Variants in TGFBR3 observed in about 807,000 individuals in gnomAD.
TGFBR3 encodes transforming growth factor beta receptor type 3.
In TGFBR3, 46 loss-of-function variants were observed where a neutral mutation model predicts 87.9. The observed-to-expected ratio is 0.52, with a 90% CI of 0.41 to 0.67. The LOEUF is 0.67. Ranked by LOEUF, TGFBR3 falls within the 30% of genes least tolerant of loss-of-function variation. TGFBR3 has a pLI of 0.00. For synonymous variants in TGFBR3, 381 were observed against 391.6 expected, an observed-to-expected ratio of 0.97 and a Z score of 0.32; for missense variants, 866 against 1,041.9, an observed-to-expected ratio of 0.83 and a Z score of 2.32.
At chr1:91,697,422 T>C (rs1268313913) in intron 15 of TGFBR3, among the ~76,000 whole-genome samples, 1 of 152,146 alleles carries the variant, frequency 6.6e-6, no homozygotes, top group Admixed American at 6.5e-5. Context: ...CAAATTCTCC[T>C]CACAAGACAA....
rs6659525 is a variant in TGFBR3 at position 91,743,398 on chromosome 1, C to T, written c.385-8439G>A. Among the ~76,000 whole-genome samples, 1,286 of 152,296 alleles carry T rather than the reference C, an allele frequency of 8.4e-3. 17 individuals carry two copies. The highest frequency in any genetic ancestry group is 0.029 in the African/African-American group (1,223 of 41,554). On this transcript the variant is annotated intron_variant, in intron 4 of 16. Coordinates refer to ENST00000212355, the MANE Select transcript of TGFBR3 (RefSeq NM_003243.5). The stretch of plus-strand genomic sequence containing the variant: ...TAGATCAAAAGTGGATATTAAGTCT[C>T]ATCTTAAGTTTCACCTCAACCTCCT...
intron 3 of TGFBR3, among the ~76,000 whole-genome samples, chr1:91,792,954 G>C (rs900395838): frequency 2.6e-5 from 4 of 152,186 alleles, no homozygotes; most frequent in Non-Finnish European, 4.4e-5. Flanking sequence ...CAAATGAGAG[G>C]TGTGTTCTCA....
chr1:91,816,965 CTG>C (rs1676255607), intron 2 of TGFBR3, among the ~76,000 whole-genome samples: 1 of 152,180 alleles, frequency 6.6e-6, no homozygotes, highest in Non-Finnish European at 1.5e-5. Context: ...CATCTAATCT[CTG>C]AGTACTCATT....
intron 1 of TGFBR3, among the ~76,000 whole-genome samples, chr1:91,874,876 C>T (rs1298701923): frequency 1.3e-5 from 2 of 152,162 alleles, no homozygotes; most frequent in African/African-American, 2.4e-5. Context: ...AACTAGGCTG[C>T]AGAGGGGCAA....
chr1:91,732,407 G>T (rs146812012), intron 5 of TGFBR3, among the ~76,000 whole-genome samples: 299 of 152,262 alleles, frequency 2.0e-3, no homozygotes, highest in African/African-American at 6.8e-3. Flanking sequence ...GGTCTGGGTT[G>T]GGCCTGAGAA....
At chr1:91,881,924 C>T (rs145328508) in intron 1 of TGFBR3, among the ~76,000 whole-genome samples, 7,764 of 151,496 alleles carry the variant, frequency 0.051, 291 homozygotes, top group Non-Finnish European at 0.072. Flanking sequence ...CTGTGGTCCC[C>T]GCTACTCGGG....
intron 14 of TGFBR3, among the ~76,000 whole-genome samples, chr1:91,708,442 A>G (rs1363340451): frequency 6.6e-6 from 1 of 152,200 alleles, no homozygotes; most frequent in Non-Finnish European, 1.5e-5. Flanking sequence ...TTCTTTTTAC[A>G]GAGGAAATCA....
intron 12 of TGFBR3, 117 bp from the exon 13 acceptor site, chr1:91,712,659 CATAGTT>C: frequency 3.4e-6 from 3 of 885,304 alleles, no homozygotes; most frequent in South Asian, 1.4e-5. Flanking sequence ...ATCTTCATAA[CATAGTT>C]ATAGCCTTCT....
At chr1:91,820,108 T>C (rs1239795655) in intron 2 of TGFBR3, among the ~76,000 whole-genome samples, 1 of 152,246 alleles carries the variant, frequency 6.6e-6, no homozygotes, top group Non-Finnish European at 1.5e-5. Context: ...GCAATCATAA[T>C]GCTCAATTCA....
In TGFBR3 at chr1:91,729,150, TACACACACACACAC is replaced by T. The variant is rs57364204; in HGVS notation, c.737+641_737+654del. Among the ~76,000 whole-genome samples, 48 of 66,908 alleles carry T rather than the reference TACACACACACACAC, an allele frequency of 7.2e-4. No individual in the cohort carries two copies. In the East Asian group the frequency reaches 0.014, roughly 20 times the overall value. 43.9% of individuals were successfully genotyped at this position (66,908 alleles called of 152,430 possible). A position where few individuals can be genotyped will look rare whatever the true frequency, so the allele number is the denominator to read the frequency against. ...GTCACCATGGAGGGCCACTCCAGCA[TACACACACACACAC>T]ACACACACACACACACACACACACA... On this transcript the variant is annotated intron_variant, in intron 6 of 16. Transcript: ENST00000212355.
chr1:91,788,396 G>A (rs1050502675), intron 3 of TGFBR3, among the ~76,000 whole-genome samples: 3 of 152,286 alleles, frequency 2.0e-5, no homozygotes. Flanking sequence ...GTGGAGCAGG[G>A]GAAGGAAAAG....
chr1:91,816,171 GA>G (rs946835402), intron 2 of TGFBR3, among the ~76,000 whole-genome samples: 10 of 151,602 alleles, frequency 6.6e-5, no homozygotes, highest in African/African-American at 2.2e-4. Flanking sequence ...ATGGCAAGAG[GA>G]AAAAATAGAT....
At position 91,885,921 on chromosome 1, in the gene TGFBR3, G is replaced by T; in HGVS notation, c.-157C>A. The T allele has an allele frequency of 2.3e-6, 1 of 442,706 alleles. No individual in the cohort carries two copies. The highest frequency in any genetic ancestry group is 4.5e-6 in the Non-Finnish European group (1 of 220,930). The allele number at this position is 442,706 out of a possible 1,614,324, so 27.4% of individuals were successfully genotyped here. ...AGCGGAGATCCACCCGCAGCAAGTT[G>T]GAGGAAAGCGGCGGCAAGTTTCCCC... On this transcript the variant is annotated 5_prime_UTR_variant, in exon 1 of 17. Transcript: ENST00000212355.
chr1:91,846,519 T>C (rs1267321396), intron 2 of TGFBR3, among the ~76,000 whole-genome samples: 3 of 152,260 alleles, frequency 2.0e-5, no homozygotes, highest in Non-Finnish European at 2.9e-5. Flanking sequence ...CTCTATAATA[T>C]GCCAGACCCT....
At chr1:91,869,967 T>A (rs1678525878) in intron 1 of TGFBR3, among the ~76,000 whole-genome samples, 1 of 152,164 alleles carries the variant, frequency 6.6e-6, no homozygotes, top group Admixed American at 6.5e-5. Flanking sequence ...CTGAAATGCA[T>A]AATTATGTAA....
intron 16 of TGFBR3, 36 bp from the exon 17 acceptor site, chr1:91,683,893 G>A: frequency 6.5e-7 from 1 of 1,528,256 alleles, no homozygotes; most frequent in Non-Finnish European, 8.9e-7. Flanking sequence ...GTCAGAGAAA[G>A]ACGCATATTA....
chr1:91,728,524 T>A (rs529984905), intron 6 of TGFBR3, among the ~76,000 whole-genome samples: 2 of 152,252 alleles, frequency 1.3e-5, no homozygotes, highest in Non-Finnish European at 2.9e-5. Context: ...AACAATAACA[T>A]CCCTGTCATT....
At position 91,886,105 on chromosome 1, in the gene TGFBR3, C is replaced by G. The variant is rs1386094933; in HGVS notation, c.-341G>C. The G allele has an allele frequency of 2.2e-6, 1 of 454,024 alleles. No individual in the cohort carries two copies. The highest frequency in any genetic ancestry group is 2.0e-5 in the African/African-American group (1 of 50,024). The allele number at this position is 454,024 out of a possible 1,614,324, so 28.1% of individuals were successfully genotyped here. A position where few individuals can be genotyped will look rare whatever the true frequency, so the allele number is the denominator to read the frequency against. Reference sequence around the variant, plus strand: ...GAGCCGCCGACTGCCCTCCTTCACTCGCTGGGAAGAGGAAAGTGCCGCTCG... The same window carrying G: ...GAGCCGCCGACTGCCCTCCTTCACTGGCTGGGAAGAGGAAAGTGCCGCTCG... On this transcript the variant is annotated 5_prime_UTR_variant, in exon 1 of 17. Coordinates refer to ENST00000212355, the MANE Select transcript of TGFBR3 (RefSeq NM_003243.5).
chr1:91,859,075 T>A (rs78757516), intron 2 of TGFBR3, among the ~76,000 whole-genome samples: 2 of 150,098 alleles, frequency 1.3e-5, no homozygotes, highest in Non-Finnish European at 3.0e-5. Context: ...AAAAAAAAAA[T>A]CTGTAACTCT....
Sources: gnomAD v4.1 joint callset for allele counts (sites outside exome capture counted in the v4.1 genomes callset) on GRCh38, gnomAD v4.1.1 for gene constraint, MANE v1.5 for transcripts, NCBI Gene and HGNC (gene_info 2026-07-23, HGNC 2026-07-21) for gene names.